The following PCLO variants were observed in gnomAD, a reference collection of about 807,000 sequenced individuals.
PCLO encodes the protein protein piccolo.
PCLO carries 82 observed loss-of-function variants against 427.5 expected under a neutral mutation model. The observed-to-expected ratio is 0.19, with a 90% CI of 0.16 to 0.23. The LOEUF is 0.23. Ranked by LOEUF, PCLO falls within the 10% of genes least tolerant of loss-of-function variation. PCLO has a pLI of 1.00. For synonymous variants in PCLO, 2,357 were observed against 2,155.4 expected (o/e 1.09, Z -2.59); for missense variants, 6,239 against 6,115.9 (o/e 1.02, Z -0.67).
At chr7:83,030,742 G>T (rs555804197) in intron 3 of PCLO, among the ~76,000 whole-genome samples, 1 of 152,206 alleles carries the variant, frequency 6.6e-6, no homozygotes, top group Non-Finnish European at 1.5e-5. Flanking sequence ...TAACCTGGCA[G>T]TGTTGCAAAA....
chr7:83,139,858 C>CT (rs1357842904), intron 2 of PCLO, among the ~76,000 whole-genome samples: 1 of 152,140 alleles, frequency 6.6e-6, no homozygotes, highest in Non-Finnish European at 1.5e-5. Context: ...AAAGCACCTC[C>CT]TTTTTATTTA....
chr7:82,779,123 T>C (rs1790816541), intron 22 of PCLO, among the ~76,000 whole-genome samples: 1 of 152,160 alleles, frequency 6.6e-6, no homozygotes, highest in African/African-American at 2.4e-5. Context: ...TTTTTTACTT[T>C]ATCATACAGA....
At chr7:83,137,722 C>A (rs930742628) in intron 2 of PCLO, among the ~76,000 whole-genome samples, 2 of 152,152 alleles carry the variant, frequency 1.3e-5, no homozygotes, top group Non-Finnish European at 2.9e-5. Context: ...CATGAGCCAC[C>A]ACGCCCGGCC....
In PCLO at chr7:83,156,044, C is replaced by T; in HGVS notation, c.597G>A (p.Glu199=). The part of the protein sequence containing the change: ...TTKKQKVVQK[E]QGKPEGIIKP... ...TTATGATTCCTTCAGGTTTTCCTTG[C>T]TCCTTCTGAACCACTTTTTGTTTCT... Residue 199 remains glutamate (E), a synonymous_variant, in exon 2 of 25, where the codon GAG becomes GAA. Transcript: ENST00000333891. 6.2e-7 allele frequency: 1 copy of T among 1,613,518 alleles called. No individual in the cohort carries two copies. The highest frequency in any genetic ancestry group is 1.1e-5 in the South Asian group (1 of 91,014).
At chr7:82,763,845 C>T (rs56105436) in intron 22 of PCLO, among the ~76,000 whole-genome samples, 11,592 of 151,960 alleles carry the variant, frequency 0.076, 1,071 homozygotes, top group African/African-American at 0.22. Context: ...CAAGAAACTC[C>T]AAGCATAAAT....
intron 6 of PCLO, among the ~76,000 whole-genome samples, chr7:82,934,726 C>T (rs185740187): frequency 1.0e-3 from 158 of 151,672 alleles, no homozygotes; most frequent in Middle Eastern, 3.4e-3. Flanking sequence ...TCTATGTCCA[C>T]CTGTCTTTGC....
chr7:83,044,050 T>A (rs1053868189), intron 3 of PCLO, among the ~76,000 whole-genome samples: 2 of 151,126 alleles, frequency 1.3e-5, no homozygotes, highest in Non-Finnish European at 2.9e-5. Flanking sequence ...TGACTCACAG[T>A]TCCGCATGGG....
At chr7:82,779,680 A>G (rs1790828107) in intron 22 of PCLO, among the ~76,000 whole-genome samples, 1 of 151,836 alleles carries the variant, frequency 6.6e-6, no homozygotes, top group South Asian at 2.1e-4. Flanking sequence ...TTACCACCTC[A>G]ATATTGGTTT....
intron 3 of PCLO, among the ~76,000 whole-genome samples, chr7:83,106,221 T>C (rs1404071520): frequency 6.6e-6 from 1 of 152,148 alleles, no homozygotes. Flanking sequence ...GGAGTCTCAG[T>C]AAACAAGCCT....
At chr7:82,897,729 C>T (rs567993625) in intron 9 of PCLO, among the ~76,000 whole-genome samples, 1 of 151,468 alleles carries the variant, frequency 6.6e-6, no homozygotes, top group East Asian at 1.9e-4. Flanking sequence ...TTTAAAAATG[C>T]ATCCACTGTG....
rs528132386 is a variant in PCLO, at chr7:82,935,483, A to G, written c.11112+13993T>C. Among the ~76,000 whole-genome samples the G allele has an allele frequency of 3.0e-4, 46 of 151,676 alleles. 1 individual carries two copies. The highest frequency in any genetic ancestry group is 2.5e-3 in the South Asian group (12 of 4,826). ...ATTATATTAAGAATCAAATGCAATT[A>G]TGTATGTTGCTTTTCACTCGGCAAA... On this transcript the variant is annotated intron_variant, in intron 6 of 24. Coordinates refer to ENST00000333891, the MANE Select transcript of PCLO (RefSeq NM_033026.6).
At chr7:82,995,855 G>A (rs1385293497) in intron 3 of PCLO, among the ~76,000 whole-genome samples, 2 of 151,810 alleles carry the variant, frequency 1.3e-5, no homozygotes, top group African/African-American at 4.8e-5. Context: ...CATTACATGA[G>A]GGTTTCTTAA....
chr7:82,842,252 T>C (rs1220219391), intron 13 of PCLO, among the ~76,000 whole-genome samples: 1 of 152,026 alleles, frequency 6.6e-6, no homozygotes, highest in Non-Finnish European at 1.5e-5. Context: ...TTACAGTCAA[T>C]TGACTTTCAG....
chr7:82,901,639 A>G (rs1453193788), intron 9 of PCLO, among the ~76,000 whole-genome samples: 4 of 152,124 alleles, frequency 2.6e-5, no homozygotes, highest in Non-Finnish European at 5.9e-5. Flanking sequence ...TGAACAGGCA[A>G]CCTACAAAAT....
chr7:83,019,023 T>C (rs1407967091), intron 3 of PCLO, among the ~76,000 whole-genome samples: 1 of 152,024 alleles, frequency 6.6e-6, no homozygotes, highest in African/African-American at 2.4e-5. Flanking sequence ...GAAAGGTATA[T>C]GAGAACTTCC....
At chr7:82,821,688 G>A (rs752649154) in intron 20 of PCLO, 8 of 978,742 alleles carry the variant, frequency 8.2e-6, no homozygotes, top group Non-Finnish European at 9.7e-6. Context: ...ATAGCTACCA[G>A]ACATAGTATA....
rs1303593393 is a variant in PCLO at position 82,955,038 on chromosome 7, C to T, written c.5915G>A (p.Ser1972Asn). Residue 1972 changes from serine to asparagine, a missense_variant, in exon 5 of 25, where the codon AGT becomes AAT. This residue lies in a region of PCLO where 4,677 missense variants were observed against 4,468.4 expected (regional missense o/e 1.05). Coordinates refer to ENST00000333891, the MANE Select transcript of PCLO (RefSeq NM_033026.6). ...EDTYNGSVDG[S>N]LLTRQEEENG... ...TTCTTCTTCTTGCCTTGTTAGCAGA[C>T]TGCCATCTACCGATCCATTGTACGT... 1.2e-6 allele frequency: 2 copies of T among 1,613,808 alleles called. No homozygotes were observed. Among genetic ancestry groups the T allele is most frequent in the East Asian group, 4.5e-5 (2 of 44,866 alleles).
chr7:83,069,816 C>T (rs1350711703), intron 3 of PCLO, among the ~76,000 whole-genome samples: 1 of 137,668 alleles, frequency 7.3e-6, no homozygotes, highest in Non-Finnish European at 1.5e-5. Flanking sequence ...CACACACACA[C>T]ACACACACAC....
rs778356808 is a variant in PCLO, at chr7:83,155,134, G to C, written c.1507C>G (p.Gln503Glu). 2.6e-6 allele frequency: 4 copies of C among 1,511,708 alleles called. No individual in the cohort carries two copies. In the Admixed American group the frequency reaches 7.5e-5, roughly 28 times the overall value. 93.6% of individuals were successfully genotyped at this position (1,511,708 alleles called of 1,614,324 possible). A position where few individuals can be genotyped will look rare whatever the true frequency, so the allele number is the denominator to read the frequency against. Reference sequence around the variant, plus strand: ...GGTGGGGGTTTTGTTGAGCCAGGCTGTTGAGATGGGGGCTTTGCTGAGCCA... The same window carrying C: ...GGTGGGGGTTTTGTTGAGCCAGGCTCTTGAGATGGGGGCTTTGCTGAGCCA... ...QPGSAKPPSQ[Q>E]PGSTKPPPQQ... is the part of the protein sequence containing the mutation. Residue 503 changes from glutamine (Q) to glutamate (E), a missense_variant, in exon 2 of 25, where the codon CAG (glutamine) becomes GAG (glutamate). Around this residue, in one of 5 missense-constraint regions of PCLO, gnomAD observed 4,677 missense variants for 4,468.4 expected, o/e 1.05. Transcript: ENST00000333891.
Sources: gnomAD v4.1 joint callset for allele counts (sites outside exome capture counted in the v4.1 genomes callset) on GRCh38, gnomAD v4.1.1 for gene constraint, gnomAD v4.1.1 regional missense constraint, MANE v1.5 for transcripts, NCBI Gene and HGNC (gene_info 2026-07-23, HGNC 2026-07-21) for gene names.